RANBP17: variants seen among roughly 807,000 people sequenced by gnomAD.
RANBP17 encodes the protein RAN binding protein 17, also known as ran-binding protein 17.
A neutral mutation model predicts 141.2 loss-of-function variants in RANBP17; 158 were observed. The observed-to-expected ratio is 1.12, with a 90% confidence interval of 0.98 to 1.28. The LOEUF (loss-of-function observed/expected upper bound fraction) is 1.28. RANBP17 is among the 50% of genes most tolerant of loss of function. The probability of loss-of-function intolerance (pLI) is 0.00; values close to 1 mark genes in which losing one functional copy is unlikely to be tolerated. For missense variants in RANBP17, 1,438 were observed against 1,290.7 expected, an observed-to-expected ratio of 1.11 and a Z score of -1.75; for synonymous variants, 430 against 450.0, an observed-to-expected ratio of 0.96 and a Z score of 0.56.
chr5:170,984,745 A>G (rs1026856165), intron 14 of RANBP17, among the ~76,000 whole-genome samples: 1 of 152,224 alleles, frequency 6.6e-6, no homozygotes, highest in Non-Finnish European at 1.5e-5. Context: ...AGACTGTATC[A>G]GAATTTTACA....
At chr5:171,166,105 A>G (rs1759674631) in intron 14 of RANBP17, among the ~76,000 whole-genome samples, 1 of 152,218 alleles carries the variant, frequency 6.6e-6, no homozygotes, top group Non-Finnish European at 1.5e-5. Context: ...TTTTAAAAAA[A>G]CAGAGCATCA....
chr5:170,952,022 T>C lies in RANBP17; in HGVS notation c.1469-1575T>C, dbSNP rs114830314. Among the ~76,000 whole-genome samples the C allele has an allele frequency of 3.9e-3, 599 of 151,962 alleles. 6 individuals carry two copies. The highest frequency in any genetic ancestry group is 0.014 in the African/African-American group (575 of 41,498). On this transcript the variant is annotated intron_variant, in intron 12 of 27. Transcript: ENST00000523189. ...TTCATGATGAAGAAAGAGAAAATAT[T>C]AAGTAGAAATGAGGAACGTGAAGAT...
intron 13 of RANBP17, among the ~76,000 whole-genome samples, chr5:170,957,107 A>ACGCG (rs150869588): frequency 6.0e-5 from 9 of 150,534 alleles, no homozygotes; most frequent in African/African-American, 2.2e-4. Context: ...ACACACACAC[A>ACGCG]CGCGCACACT....
chr5:171,130,585 C>T (rs1235639149), intron 14 of RANBP17, among the ~76,000 whole-genome samples: 6 of 151,636 alleles, frequency 4.0e-5, no homozygotes, highest in Admixed American at 2.6e-4. Flanking sequence ...TACAGGCATG[C>T]GCCACCATGC....
At chr5:170,901,472 C>A (rs1437473258) in intron 5 of RANBP17, among the ~76,000 whole-genome samples, 1 of 152,178 alleles carries the variant, frequency 6.6e-6, no homozygotes, top group Non-Finnish European at 1.5e-5. Flanking sequence ...GACTCTTTAT[C>A]CAATTTGCCA....
At chr5:170,892,337 T>C in intron 3 of RANBP17, 50 bp from the exon 4 acceptor site, 1 of 447,362 alleles carries the variant, frequency 2.2e-6, no homozygotes, top group Non-Finnish European at 3.9e-6. Flanking sequence ...TGATTCACAC[T>C]ATGTTGTTTC....
intron 14 of RANBP17, among the ~76,000 whole-genome samples, chr5:170,994,253 G>A (rs539127594): frequency 3.0e-4 from 46 of 152,038 alleles, no homozygotes; most frequent in Non-Finnish European, 6.0e-4. Flanking sequence ...AATCAAGTTC[G>A]GATATAGAAA....
At chr5:170,912,254 CAT>C (rs1404985497) in intron 7 of RANBP17, among the ~76,000 whole-genome samples, 2 of 151,918 alleles carry the variant, frequency 1.3e-5, no homozygotes, top group Admixed American at 6.6e-5. Flanking sequence ...TCTACACACA[CAT>C]GAGTACATGT....
intron 13 of RANBP17, among the ~76,000 whole-genome samples, chr5:170,955,819 T>TAG (rs10552358): frequency 8.7e-6 from 1 of 114,500 alleles, no homozygotes; most frequent in Non-Finnish European, 1.6e-5. Context: ...AAAATTCCTG[T>TAG]ATATATATAT....
At chr5:170,939,982 A>G (rs979432929) in intron 12 of RANBP17, among the ~76,000 whole-genome samples, 7 of 152,206 alleles carry the variant, frequency 4.6e-5, no homozygotes, top group African/African-American at 1.7e-4. Context: ...TTTAAAAGCC[A>G]AGAAAGGAAA....
intron 20 of RANBP17, among the ~76,000 whole-genome samples, chr5:171,209,757 G>A (rs549561694): frequency 6.6e-6 from 1 of 152,328 alleles, no homozygotes; most frequent in Admixed American, 6.5e-5. Context: ...CCAGACATAA[G>A]AGGAAAGGCT....
At chr5:170,959,312 A>G (rs1437581617) in intron 13 of RANBP17, among the ~76,000 whole-genome samples, 1 of 152,162 alleles carries the variant, frequency 6.6e-6, no homozygotes, top group Non-Finnish European at 1.5e-5. Context: ...TTTCTTACCC[A>G]TAAGCCTCCA....
intron 14 of RANBP17, among the ~76,000 whole-genome samples, chr5:171,105,641 C>T (rs1754771099): frequency 6.6e-6 from 1 of 151,834 alleles, no homozygotes; most frequent in Non-Finnish European, 1.5e-5. Flanking sequence ...TCACTTGAGC[C>T]CAGGAGTTTG....
intron 14 of RANBP17, among the ~76,000 whole-genome samples, chr5:171,127,002 C>T (rs900717658): frequency 1.3e-5 from 2 of 152,136 alleles, no homozygotes; most frequent in African/African-American, 4.8e-5. Flanking sequence ...TACCTTGATA[C>T]CAAAACCAGA....
At chr5:170,974,939 T>G (rs1777250809) in intron 14 of RANBP17, among the ~76,000 whole-genome samples, 1 of 151,996 alleles carries the variant, frequency 6.6e-6, no homozygotes, top group African/African-American at 2.4e-5. Context: ...TTGAAATCAT[T>G]TTTTCTTCCA....
intron 12 of RANBP17, among the ~76,000 whole-genome samples, chr5:170,937,314 T>C (rs1489194296): frequency 6.6e-6 from 1 of 152,206 alleles, no homozygotes; most frequent in Non-Finnish European, 1.5e-5. Flanking sequence ...TGTCTTTCTG[T>C]TTAGGGCAGA....
intron 22 of RANBP17, among the ~76,000 whole-genome samples, chr5:171,239,412 A>AAT (rs924872697): frequency 1.1e-4 from 16 of 152,128 alleles, no homozygotes; most frequent in African/African-American, 3.4e-4. Flanking sequence ...TGATTACCAT[A>AAT]ATATATATAT....
intron 25 of RANBP17, among the ~76,000 whole-genome samples, chr5:171,277,645 A>ATATATATATATATATG (rs1561823440): frequency 8.3e-6 from 1 of 120,624 alleles, no homozygotes; most frequent in Non-Finnish European, 1.7e-5. Flanking sequence ...ATGTATATAT[A>ATATATATATATATATG]TATATATATA....
chr5:171,134,595 C>G (rs558938429), intron 14 of RANBP17, among the ~76,000 whole-genome samples: 9 of 152,290 alleles, frequency 5.9e-5, no homozygotes, highest in African/African-American at 2.2e-4. Context: ...AAATATTGCT[C>G]TTGCACACTG....
Sources: gnomAD v4.1 joint callset for allele counts (sites outside exome capture counted in the v4.1 genomes callset) on GRCh38, gnomAD v4.1.1 for gene constraint, MANE v1.5 for transcripts, NCBI Gene and HGNC (gene_info 2026-07-23, HGNC 2026-07-21) for gene names.